Variants in GAPDHS observed in about 807,000 individuals in gnomAD.
GAPDHS encodes glyceraldehyde-3-phosphate dehydrogenase, spermatogenic.
In GAPDHS, 42 loss-of-function variants were observed where a neutral mutation model predicts 48.7. That is an observed-to-expected ratio of 0.86 (90% CI 0.67 to 1.12). The LOEUF is 1.12. GAPDHS is among the 50% of genes most tolerant of loss of function. GAPDHS has a pLI of 0.00. For missense variants in GAPDHS, 512 were observed against 557.7 expected (o/e 0.92, Z 0.82); for synonymous variants, 166 against 219.1 (o/e 0.76, Z 2.14).
chr19:35,537,120 CG>C, intron 2 of GAPDHS, 130 bp downstream of exon 2: 1 of 712,370 alleles, frequency 1.4e-6, no homozygotes, highest in Non-Finnish European at 2.3e-6. Context: ...AGAAATAGCC[CG>C]GAGCAAGGCA....
intron 4 of GAPDHS, 52 bp downstream of exon 4, chr19:35,538,735 T>C (rs2071482156): frequency 1.7e-6 from 2 of 1,175,290 alleles, no homozygotes; most frequent in Middle Eastern, 1.9e-4. Flanking sequence ...AGGCAGGGCA[T>C]GTGGAGGTGG....
Position 35,542,473 on chromosome 19 carries a change from C to T in GAPDHS, c.541-17C>T. 1 of 1,601,564 alleles carries T rather than the reference C, an allele frequency of 6.2e-7. No individual in the cohort carries two copies. The highest frequency in any genetic ancestry group is 8.6e-7 in the Non-Finnish European group (1 of 1,168,614). On this transcript the variant is annotated splice_polypyrimidine_tract_variant and intron_variant, in intron 5 of 10. Transcript: ENST00000222286. ...TGATGGTGCCAGAAGCCCCTGACAC[C>T]TGCGCTTCCTCCCCAGGACCACATC...
intron 1 of GAPDHS, among the ~76,000 whole-genome samples, chr19:35,535,892 C>G (rs1316180653): frequency 1.3e-5 from 2 of 151,910 alleles, no homozygotes; most frequent in Non-Finnish European, 2.9e-5. Flanking sequence ...GCCTCAGCCC[C>G]CCGAGGAGCT....
intron 2 of GAPDHS, among the ~76,000 whole-genome samples, chr19:35,537,743 T>C (rs1447770042): frequency 6.6e-6 from 1 of 151,916 alleles, no homozygotes; most frequent in Non-Finnish European, 1.5e-5. Flanking sequence ...AATTGTTTAA[T>C]GAAAAAATAA....
intron 4 of GAPDHS, chr19:35,541,918 G>C (rs1431100022): frequency 4.6e-6 from 1 of 218,506 alleles, no homozygotes; most frequent in Non-Finnish European, 9.2e-6. Flanking sequence ...TTCATGGCGA[G>C]GTTGTCAGAG....
chr19:35,541,458 A>C (rs2071502016), intron 4 of GAPDHS: 1 of 152,164 alleles, frequency 6.6e-6, no homozygotes, highest in African/African-American at 2.4e-5. Flanking sequence ...ACCCTGTCTC[A>C]AAACAAACAA....
At position 35,542,717 on chromosome 19, in the gene GAPDHS, C is replaced by T. The variant is rs75421455; in HGVS notation, c.659+109C>T. On this transcript the variant is annotated intron_variant, in intron 6 of 10. Transcript: ENST00000222286. ...TCGCTTGGCTTCTGCTTCTCCTTCC[C>T]GAAACTATCTGCTAAAAACGCATGA... is the stretch of plus-strand genomic sequence containing the variant. The T allele has an allele frequency of 5.8e-3, 4,927 of 850,532 alleles. 33 individuals carry two copies. The highest frequency in any genetic ancestry group is 0.018 in the South Asian group (1,190 of 66,538). The allele number at this position is 850,532 out of a possible 1,614,324, so 52.7% of individuals were successfully genotyped here.
chr19:35,543,266 A>G, intron 7 of GAPDHS, 74 bp from the exon 8 acceptor site: 1 of 1,566,152 alleles, frequency 6.4e-7, no homozygotes, highest in Non-Finnish European at 8.7e-7. Context: ...TAGGCCACCA[A>G]CTTAGTCCTG....
At chr19:35,541,952 C>T in intron 4 of GAPDHS, 1 of 241,006 alleles carries the variant, frequency 4.1e-6, no homozygotes, top group Non-Finnish European at 8.2e-6. Context: ...AGCAGCCGGG[C>T]AGGCCTCACA....
At position 35,536,914 on chromosome 19, in the gene GAPDHS, C is replaced by G. The variant is rs1258001473; in HGVS notation, c.169C>G (p.Pro57Ala). ...VREEIKPPPP[P>A]LPPHPATPPP... ...GGAGGAAATAAAGCCACCACCGCCA[C>G]CACTGCCTCCTCACCCCGCTACTCC... is the stretch of plus-strand genomic sequence containing the variant. The change falls in exon 2 of 11, where the codon CCA becomes GCA. Residue 57 changes from proline to alanine, a missense_variant. Transcript: ENST00000222286. 2 of 1,614,040 alleles carry G rather than the reference C, an allele frequency of 1.2e-6. No individual in the cohort carries two copies. The highest frequency in any genetic ancestry group is 1.7e-6 in the Non-Finnish European group (2 of 1,180,010).
At position 35,544,981 on chromosome 19, in the gene GAPDHS, G is replaced by C; in HGVS notation, c.1129G>C (p.Asp377His). Residue 377 changes from aspartate (D) to histidine (H), a missense_variant, in exon 10 of 11, where the codon GAC (aspartate) becomes CAC (histidine). Asp to His is a moderately conservative substitution (Grantham distance 81). Transcript: ENST00000222286. ...FDAKAGIALN[D>H]NFVKLISWYD... ...TGCTAAGGCCGGCATTGCGCTCAATGACAATTTCGTGAAGCTCATTTCATG... is the reference window on the plus strand; with the variant it reads ...TGCTAAGGCCGGCATTGCGCTCAATCACAATTTCGTGAAGCTCATTTCATG... 1.2e-6 allele frequency: 2 copies of C among 1,613,806 alleles called. No homozygotes were observed. Among genetic ancestry groups the C allele is most frequent in the Non-Finnish European group, 1.7e-6 (2 of 1,179,680 alleles).
chr19:35,545,107 C>T lies in GAPDHS; in HGVS notation c.1164C>T (p.Asn388=), dbSNP rs2071536680. Reference sequence around the variant, plus strand: ...GACCCCTCCTCCACAGGTACGACAACGAATATGGCTACAGTCACCGGGTGG... The same window carrying T: ...GACCCCTCCTCCACAGGTACGACAATGAATATGGCTACAGTCACCGGGTGG... ...NFVKLISWYD[N]EYGYSHRVVD... is the part of the protein sequence containing the mutation. Residue 388 remains asparagine, a synonymous_variant, in exon 11 of 11, where the codon AAC becomes AAT. Coordinates refer to ENST00000222286, the MANE Select transcript of GAPDHS (RefSeq NM_014364.5). 2.5e-6 allele frequency: 4 copies of T among 1,614,006 alleles called. No individual in the cohort carries two copies. The highest frequency in any genetic ancestry group is 3.4e-6 in the Non-Finnish European group (4 of 1,179,860).
chr19:35,541,325 G>A (rs568926134), intron 4 of GAPDHS: 1 of 151,874 alleles, frequency 6.6e-6, no homozygotes, highest in East Asian at 2.0e-4. Context: ...TGGCATGGTG[G>A]TGTGCGCCTG....
rs1568309960 is a variant in GAPDHS at position 35,545,094 on chromosome 19, A to G, written c.1155-4A>G. ...CCTTGAACCTCCCGACCCCTCCTCC[A>G]CAGGTACGACAACGAATATGGCTAC... On this transcript the variant is annotated splice_region_variant and splice_polypyrimidine_tract_variant and intron_variant, in intron 10 of 10. Coordinates refer to ENST00000222286, the MANE Select transcript of GAPDHS (RefSeq NM_014364.5). The G allele has an allele frequency of 1.2e-6, 2 of 1,613,906 alleles. No individual in the cohort carries two copies. The highest frequency in any genetic ancestry group is 2.2e-5 in the East Asian group (1 of 44,876).
intron 1 of GAPDHS, among the ~76,000 whole-genome samples, chr19:35,535,421 T>C (rs1316775953): frequency 6.6e-6 from 1 of 152,136 alleles, no homozygotes; most frequent in East Asian, 1.9e-4. Flanking sequence ...GTTTCGCTCT[T>C]GTTGCCCAGG....
chr19:35,543,270 A>T, intron 7 of GAPDHS, 70 bp from the exon 8 acceptor site: 2 of 1,569,150 alleles, frequency 1.3e-6, no homozygotes, highest in Non-Finnish European at 8.7e-7. Flanking sequence ...CCACCAACTT[A>T]GTCCTGGAAA....
intron 9 of GAPDHS, chr19:35,544,045 G>T: frequency 1.3e-6 from 1 of 751,410 alleles, no homozygotes; most frequent in Non-Finnish European, 1.9e-6. Flanking sequence ...CCAAGTCTCT[G>T]GAGGAACCTC....
chr19:35,540,428 T>C (rs1041380640), intron 4 of GAPDHS, among the ~76,000 whole-genome samples: 1 of 152,068 alleles, frequency 6.6e-6, no homozygotes, highest in East Asian at 1.9e-4. Flanking sequence ...AACTCAGCAA[T>C]TGTTGCAGAG....
rs2071516876 is a variant in GAPDHS at position 35,543,114 on chromosome 19, G to C, written c.741+88G>C. The C allele has an allele frequency of 3.5e-5, 39 of 1,124,166 alleles. No homozygotes were observed. In the South Asian group the frequency reaches 3.9e-4, roughly 11 times the overall value. The allele number at this position is 1,124,166 out of a possible 1,614,324, so 69.6% of individuals were successfully genotyped here. On this transcript the variant is annotated intron_variant, in intron 7 of 10. Transcript: ENST00000222286. The stretch of plus-strand genomic sequence containing the variant: ...CCTTGCTTACTGTATGGAGTTAAGA[G>C]GGAGAGACTGGTTTCGGGAGGAGAG...
Sources: gnomAD v4.1 joint callset for allele counts (sites outside exome capture counted in the v4.1 genomes callset) on GRCh38, gnomAD v4.1.1 for gene constraint, MANE v1.5 for transcripts, NCBI Gene and HGNC (gene_info 2026-07-23, HGNC 2026-07-21) for gene names.